KCNK4: variants seen among roughly 807,000 people sequenced by gnomAD.
KCNK4 encodes the protein potassium two pore domain channel subfamily K member 4, also known as potassium channel subfamily K member 4.
Under a neutral mutation model 28.8 loss-of-function variants are expected in KCNK4, and 22 were observed. The observed-to-expected ratio is 0.76, with a 90% CI of 0.55 to 1.09. The LOEUF is 1.09. Among genes scored for constraint, KCNK4 ranks in the 50% least tolerant of loss-of-function variants. The probability of loss-of-function intolerance (pLI) is 0.00; values close to 1 mark genes in which losing one functional copy is unlikely to be tolerated. For missense variants in KCNK4, 483 were observed against 546.3 expected (o/e 0.88, Z 1.15); for synonymous variants, 263 against 252.9 (o/e 1.04, Z -0.38).
chr11:64,292,348 G>A (rs1043510454), intron 1 of KCNK4, among the ~76,000 whole-genome samples: 1 of 152,028 alleles, frequency 6.6e-6, no homozygotes, highest in South Asian at 2.1e-4. Context: ...ACCCCTCCTC[G>A]CCTGGGTGCG....
At chr11:64,298,330 T>G in intron 6 of KCNK4, 81 bp downstream of exon 6, 2 of 1,552,416 alleles carry the variant, frequency 1.3e-6, no homozygotes, top group Non-Finnish European at 1.7e-6. Flanking sequence ...GATCAGGCTG[T>G]CTCCTATCCA....
intron 2 of KCNK4, among the ~76,000 whole-genome samples, chr11:64,294,396 T>G (rs1320838155): frequency 6.6e-6 from 1 of 151,024 alleles, no homozygotes; most frequent in East Asian, 2.0e-4. Context: ...TGCATGCCTG[T>G]GGTCCCAGCT....
At chr11:64,298,706 C>A (rs1488681708) in intron 6 of KCNK4, among the ~76,000 whole-genome samples, 1 of 151,826 alleles carries the variant, frequency 6.6e-6, no homozygotes, top group African/African-American at 2.4e-5. Context: ...TTAACAACAA[C>A]AACAAAAACA....
intron 2 of KCNK4, chr11:64,296,050 A>G (rs1158110621): frequency 2.0e-5 from 3 of 152,208 alleles, no homozygotes; most frequent in East Asian, 3.9e-4. Flanking sequence ...TGGTCCGAAT[A>G]CAGTAGTGTT....
intron 2 of KCNK4, 93 bp from the exon 3 acceptor site, chr11:64,296,785 G>A: frequency 7.4e-7 from 1 of 1,347,512 alleles, no homozygotes; most frequent in South Asian, 2.0e-5. Flanking sequence ...GGGAGGAGCA[G>A]GGAAGGAGCC....
At position 64,299,910 on chromosome 11, in the gene KCNK4, C is replaced by A. The variant is rs993740161; in HGVS notation, c.*184C>A. ...ACTTCCATCCATCTCTAGACCCCCC[C>A]AAGGCTTTCTGTGTCGCTGCCCCGG... On this transcript the variant is annotated 3_prime_UTR_variant, in exon 7 of 7. Coordinates refer to ENST00000422670, the MANE Select transcript of KCNK4 (RefSeq NM_033310.3). 2 of 1,180,638 alleles carry A rather than the reference C, an allele frequency of 1.7e-6. No homozygotes were observed. The highest frequency in any genetic ancestry group is 1.4e-5 in the South Asian group (1 of 70,274). The allele number at this position is 1,180,638 out of a possible 1,614,324, so 73.1% of individuals were successfully genotyped here.
chr11:64,294,474 C>T (rs1253500105), intron 2 of KCNK4, among the ~76,000 whole-genome samples: 2 of 140,452 alleles, frequency 1.4e-5, no homozygotes, highest in Non-Finnish European at 3.0e-5. Flanking sequence ...GCCAAGATCA[C>T]ACCACTGCAC....
In KCNK4 at chr11:64,297,499, G is replaced by A. The variant is rs370618402; in HGVS notation, c.507G>A (p.Val169=). 26 of 1,614,024 alleles carry A rather than the reference G, an allele frequency of 1.6e-5. No homozygotes were observed. The African/African-American group carries it at 3.3e-4, about 21-fold the overall frequency. The change falls in exon 5 of 7, where the codon GTG becomes GTA. Residue 169 remains valine, a synonymous_variant. Transcript: ENST00000422670. ...KWHVPPELVR[V]LSAMLFLLIG... ...ACGTGCCACCGGAGCTAGTAAGAGT[G>A]CTGTCGGCGATGCTTTTCCTGCTGA...
intron 1 of KCNK4, chr11:64,291,918 G>A (rs907591776): frequency 1.5e-6 from 1 of 649,518 alleles, no homozygotes; most frequent in Non-Finnish European, 2.0e-6. Context: ...CGGTCCCGCC[G>A]CCCGCCACGC....
rs1565367234 is a variant in KCNK4 at position 64,291,883 on chromosome 11, GC to G, written c.-78+318del. 5 of 314,306 alleles carry G rather than the reference GC, an allele frequency of 1.6e-5. 1 individual carries two copies. The highest frequency in any genetic ancestry group is 2.5e-5 in the Non-Finnish European group (5 of 198,066). The allele number at this position is 314,306 out of a possible 1,614,324, so 19.5% of individuals were successfully genotyped here. A position where few individuals can be genotyped will look rare whatever the true frequency, so the allele number is the denominator to read the frequency against. On this transcript the variant is annotated intron_variant, in intron 1 of 6. Coordinates refer to ENST00000422670, the MANE Select transcript of KCNK4 (RefSeq NM_033310.3). ...CGGGGTGCCCACCTCTCGCGCGTGG[GC>G]GCCTCCGGGAGTGGTGTGGCCGCCG...
intron 2 of KCNK4, 100 bp downstream of exon 2, chr11:64,293,307 A>G (rs2034686740): frequency 1.7e-5 from 22 of 1,289,700 alleles, no homozygotes; most frequent in Non-Finnish European, 2.2e-5. Context: ...TCAGATCAGT[A>G]TCCCTGAGGA....
intron 5 of KCNK4, 77 bp from the exon 6 acceptor site, chr11:64,298,033 G>A (rs2034819803): frequency 5.2e-6 from 8 of 1,536,886 alleles, no homozygotes; most frequent in Non-Finnish European, 7.1e-6. Context: ...CCAGGAACTG[G>A]GAGGGGGGCA....
chr11:64,299,436 G>A lies in KCNK4; in HGVS notation c.892G>A (p.Glu298Lys), dbSNP rs758778655. Residue 298 changes from glutamate to lysine, a missense_variant, in exon 7 of 7, where the codon GAG becomes AAG. Glu to Lys is a moderately conservative substitution (Grantham distance 56). Transcript: ENST00000422670. ...QRAGPAAPPP[E>K]KEQPLLPPPP... ...AGCCGGGCCCGCCGCCCCGCCGCCG[G>A]AGAAGGAGCAGCCACTGCTGCCTCC... 6.3e-7 allele frequency: 1 copy of A among 1,593,316 alleles called. No individual in the cohort carries two copies. Among genetic ancestry groups the A allele is most frequent in the Non-Finnish European group, 8.5e-7 (1 of 1,172,408 alleles).
chr11:64,292,865 G>C, intron 1 of KCNK4, 77 bp from the exon 2 acceptor site: 3 of 1,379,262 alleles, frequency 2.2e-6, no homozygotes, highest in Non-Finnish European at 2.8e-6. Flanking sequence ...GGATCTTTGG[G>C]TGTGTAGGGG....
rs1486888231 is a variant in KCNK4, at chr11:64,298,113, C to T, written c.665C>T (p.Ala222Val). 5 of 1,613,252 alleles carry T rather than the reference C, an allele frequency of 3.1e-6. No homozygotes were observed. The highest frequency in any genetic ancestry group is 1.3e-5 in the African/African-American group (1 of 74,950). The change falls in exon 6 of 7, where the codon GCG becomes GTG. Residue 222 changes from alanine (A) to valine (V), a missense_variant. By Grantham distance (64) the Ala-to-Val change is moderately conservative (BLOSUM62 0). Transcript: ENST00000422670. Reference sequence around the variant, plus strand: ...ACCTTCCCTGGTGGTATCCCAGGCGCGGACCCCAGGCAGGACTCCCCGGCC... The same window carrying T: ...ACCTTCCCTGGTGGTATCCCAGGCGTGGACCCCAGGCAGGACTCCCCGGCC... ...TVGFGDYVAGADPRQDSPAYQ... is the reference protein window; with the variant it reads ...TVGFGDYVAGVDPRQDSPAYQ...
intron 4 of KCNK4, 34 bp downstream of exon 4, chr11:64,297,313 TG>T (rs1166017234): frequency 6.3e-7 from 1 of 1,592,838 alleles, no homozygotes; most frequent in East Asian, 2.2e-5. Flanking sequence ...GCCCTTGTGC[TG>T]GGCTCCGGCT....
In KCNK4 at chr11:64,299,414, C is replaced by G. The variant is rs1285949177; in HGVS notation, c.870C>G (p.Ala290=). 2 of 1,574,782 alleles carry G rather than the reference C, an allele frequency of 1.3e-6. No homozygotes were observed. The highest frequency in any genetic ancestry group is 1.7e-6 in the Non-Finnish European group (2 of 1,163,198). The change falls in exon 7 of 7, where the codon GCC becomes GCG. Residue 290 remains alanine (A), a synonymous_variant. Coordinates refer to ENST00000422670, the MANE Select transcript of KCNK4 (RefSeq NM_033310.3). ...TGACAGCGCGCGTGACCCAGCGAGC[C>G]GGGCCCGCCGCCCCGCCGCCGGAGA... ...GTVTARVTQR[A]GPAAPPPEKE...
Position 64,296,856 on chromosome 11 carries a change from CCTT to C in KCNK4, c.190-19_190-17del. 2 of 1,502,516 alleles carry C rather than the reference CCTT, an allele frequency of 1.3e-6. No individual in the cohort carries two copies. Among genetic ancestry groups the C allele is most frequent in the Non-Finnish European group, 1.8e-6 (2 of 1,127,604 alleles). The allele number at this position is 1,502,516 out of a possible 1,614,324, so 93.1% of individuals were successfully genotyped here. On this transcript the variant is annotated intron_variant, in intron 2 of 6. Coordinates refer to ENST00000422670, the MANE Select transcript of KCNK4 (RefSeq NM_033310.3). Reference sequence around the variant, plus strand: ...ACAGGAGGGAAGAACTGAAGCTCCTCCTTCTGCACCTTGTCCTGCAGGAGGTGG... The same window carrying C: ...ACAGGAGGGAAGAACTGAAGCTCCTCCTGCACCTTGTCCTGCAGGAGGTGG...
chr11:64,299,050 G>GAAAAA (rs56097945), intron 6 of KCNK4, among the ~76,000 whole-genome samples: 11 of 85,074 alleles, frequency 1.3e-4, no homozygotes, highest in Non-Finnish European at 1.7e-4. Context: ...AAAAAAAGAA[G>GAAAAA]AAAAAAAAAA....
Sources: allele counts gnomAD v4.1 joint callset (sites outside exome capture counted in the v4.1 genomes callset), GRCh38; gene constraint gnomAD v4.1.1; transcripts MANE v1.5; gene names NCBI Gene and HGNC (gene_info 2026-07-23, HGNC 2026-07-21).